The following AMZ1 variants were observed in gnomAD, a reference collection of about 807,000 sequenced individuals.
AMZ1 encodes the protein archaemetzincin-1.
Under a neutral mutation model 29.9 loss-of-function variants are expected in AMZ1, and 39 were observed. That is an observed-to-expected ratio of 1.30 (90% CI 1.01 to 1.70). AMZ1 has a LOEUF of 1.70. Ranked by LOEUF, AMZ1 falls within the 40% of genes most tolerant of loss-of-function variation. The probability of loss-of-function intolerance (pLI) is 0.00; values close to 1 mark genes in which losing one functional copy is unlikely to be tolerated. For synonymous variants in AMZ1, 458 were observed against 304.0 expected (o/e 1.51, Z -5.27); for missense variants, 1,041 against 680.6 (o/e 1.53, Z -5.89).
chr7:2,688,584 C>T (rs1016936212), intron 1 of AMZ1, among the ~76,000 whole-genome samples: 1 of 152,226 alleles, frequency 6.6e-6, no homozygotes, highest in Non-Finnish European at 1.5e-5. Context: ...CCATCCTCTC[C>T]CAGGCCAGGG....
chr7:2,707,289 C>A (rs367856791), intron 3 of AMZ1, among the ~76,000 whole-genome samples: 2 of 145,948 alleles, frequency 1.4e-5, no homozygotes, highest in South Asian at 2.2e-4. Flanking sequence ...AAAAAAAAAA[C>A]AAAAAAACAC....
chr7:2,712,310 C>T lies in AMZ1; in HGVS notation c.949-20C>T. ...AAGGGCTGGCACGGAGCAAACTCAG[C>T]CTGTGTTTCTCCCTCTTAGAGACTC... is the stretch of plus-strand genomic sequence containing the variant. On this transcript the variant is annotated intron_variant, in intron 6 of 6. Transcript: ENST00000683327. The T allele has an allele frequency of 1.3e-6, 2 of 1,536,688 alleles. No individual in the cohort carries two copies. Among genetic ancestry groups the T allele is most frequent in the Non-Finnish European group, 1.8e-6 (2 of 1,139,952 alleles).
chr7:2,719,150 C>T lies in AMZ1; in HGVS notation c.*6272C>T, dbSNP rs1008042847. On this transcript the variant is annotated 3_prime_UTR_variant, in exon 7 of 7. Coordinates refer to ENST00000683327, the MANE Select transcript of AMZ1 (RefSeq NM_001384743.1). ...AGGCCTTTACTGGATGGGCAGGATGCGGGCAGCAGCTTTGTCGGCTGCCAA... is the reference window on the plus strand; with the variant it reads ...AGGCCTTTACTGGATGGGCAGGATGTGGGCAGCAGCTTTGTCGGCTGCCAA... Among the ~76,000 whole-genome samples the T allele has an allele frequency of 1.3e-5, 2 of 152,224 alleles. No homozygotes were observed. Among genetic ancestry groups the T allele is most frequent in the East Asian group, 1.9e-4 (1 of 5,182 alleles).
At chr7:2,726,889 G>A (rs771485060) in intron 4 of AMZ1, among the ~76,000 whole-genome samples, 1 of 152,194 alleles carries the variant, frequency 6.6e-6, no homozygotes, top group Non-Finnish European at 1.5e-5. Flanking sequence ...GGGGTTGTGA[G>A]GACAGAACCT....
At chr7:2,722,639 T>C (rs1286097896), downstream of AMZ1, among the ~76,000 whole-genome samples, 1 of 152,224 alleles carries the variant, frequency 6.6e-6, no homozygotes, top group Admixed American at 6.5e-5. Context: ...GATTCGAGAC[T>C]GACAGATGCA....
Position 2,712,406 on chromosome 7 carries a change from A to G in AMZ1, c.1025A>G (p.Asp342Gly), listed in dbSNP as rs777344107. 1 of 1,611,188 alleles carries G rather than the reference A, an allele frequency of 6.2e-7. No homozygotes were observed. The highest frequency in any genetic ancestry group is 1.7e-5 in the Admixed American group (1 of 59,880). Residue 342 changes from aspartate to glycine, a missense_variant, in exon 7 of 7, where the codon GAC becomes GGC. By Grantham distance (94) the Asp-to-Gly change is moderately conservative. Transcript: ENST00000683327. ...QEAGEPSVWE[D>G]TPPASADSGM... ...GCGGGGGAGCCGTCAGTGTGGGAGGACACCCCGCCTGCCAGCGCCGACTCG... is the reference window on the plus strand; with the variant it reads ...GCGGGGGAGCCGTCAGTGTGGGAGGGCACCCCGCCTGCCAGCGCCGACTCG...
At position 2,718,535 on chromosome 7, in the gene AMZ1, C is replaced by T. The variant is rs1482410064; in HGVS notation, c.*5657C>T. On this transcript the variant is annotated 3_prime_UTR_variant, in exon 7 of 7. Coordinates refer to ENST00000683327, the MANE Select transcript of AMZ1 (RefSeq NM_001384743.1). ...CGCTGGTGGCAGCCGCGGGCGCCCACTCACCTGGCACGTGGACGAAGGTGA... is the reference window on the plus strand; with the variant it reads ...CGCTGGTGGCAGCCGCGGGCGCCCATTCACCTGGCACGTGGACGAAGGTGA... Among the ~76,000 whole-genome samples the T allele has an allele frequency of 2.6e-5, 4 of 152,230 alleles. No homozygotes were observed. Among genetic ancestry groups the T allele is most frequent in the African/African-American group, 9.6e-5 (4 of 41,464 alleles).
intron 6 of AMZ1, among the ~76,000 whole-genome samples, chr7:2,712,056 G>A (rs80311756): frequency 2.9e-5 from 3 of 102,394 alleles, no homozygotes; most frequent in African/African-American, 1.4e-4. Context: ...TAAAAAAATC[G>A]AAAAATGTTA....
intron 4 of AMZ1, among the ~76,000 whole-genome samples, chr7:2,725,378 G>A (rs957884814): frequency 6.6e-6 from 1 of 152,238 alleles, no homozygotes; most frequent in Non-Finnish European, 1.5e-5. Context: ...ATGCTTCCAG[G>A]GAGCAGTGAC....
chr7:2,736,058 C>G (rs74452570), intron 4 of AMZ1, among the ~76,000 whole-genome samples: 1 of 152,188 alleles, frequency 6.6e-6, no homozygotes, highest in Non-Finnish European at 1.5e-5. Flanking sequence ...TCGTTTGCGA[C>G]GGACTCCTCA....
chr7:2,736,134 G>A (rs540316249), intron 4 of AMZ1, among the ~76,000 whole-genome samples: 16 of 152,308 alleles, frequency 1.1e-4, no homozygotes, highest in Non-Finnish European at 1.8e-4. Context: ...AACACTAAGA[G>A]AATTCAGTCA....
At chr7:2,746,846 A>G (rs1488126991) in intron 4 of AMZ1, among the ~76,000 whole-genome samples, 5 of 152,168 alleles carry the variant, frequency 3.3e-5, no homozygotes, top group Admixed American at 2.6e-4. Context: ...TATCATCACC[A>G]ATCCCACAGA....
At chr7:2,711,899 G>A (rs996236728) in intron 6 of AMZ1, among the ~76,000 whole-genome samples, 3 of 152,074 alleles carry the variant, frequency 2.0e-5, no homozygotes, top group African/African-American at 7.2e-5. Context: ...GTAAAAATTA[G>A]CCAGGCATGC....
chr7:2,742,120 C>T (rs1353350208), intron 4 of AMZ1, among the ~76,000 whole-genome samples: 1 of 152,010 alleles, frequency 6.6e-6, no homozygotes, highest in Non-Finnish European at 1.5e-5. Context: ...CTCCCAGGTT[C>T]AAGAGATTCT....
upstream of AMZ1, among the ~76,000 whole-genome samples, chr7:2,687,712 C>CT (rs1787137333): frequency 3.4e-4 from 1 of 2,926 alleles, no homozygotes; most frequent in Admixed American, 4.3e-3. Context: ...CCTGGGGCTT[C>CT]GCTGATAAGC....
Position 2,716,351 on chromosome 7 carries a change from C to G in AMZ1, c.*3473C>G, listed in dbSNP as rs749986630. ...AGTGGGGAGAGGGGAGAAGCAGCAT[C>G]CTGACTCCTGTCCATGGTGTGAACC... On this transcript the variant is annotated 3_prime_UTR_variant, in exon 7 of 7. Transcript: ENST00000683327. 6.6e-6 allele frequency: 1 copy of G among 152,210 alleles called. No individual in the cohort carries two copies. The highest frequency in any genetic ancestry group is 1.5e-5 in the Non-Finnish European group (1 of 68,062). The allele number at this position is 152,210 out of a possible 1,614,324, so 9.4% of individuals were successfully genotyped here. A position where few individuals can be genotyped will look rare whatever the true frequency, so the allele number is the denominator to read the frequency against.
chr7:2,749,892 G>A (rs1056084087), intron 4 of AMZ1, among the ~76,000 whole-genome samples: 1 of 152,152 alleles, frequency 6.6e-6, no homozygotes, highest in Non-Finnish European at 1.5e-5. Flanking sequence ...TAAAGAATGA[G>A]GTGCAGGCAT....
exon 1 of AMZ1, chr7:2,764,819 G>A (rs931112494): frequency 5.9e-5 from 9 of 152,244 alleles, no homozygotes; most frequent in African/African-American, 2.2e-4. Context: ...AGGGAACACT[G>A]AGACTGACCA....
At chr7:2,696,012 GGAA>G (rs376401666) in intron 1 of AMZ1, among the ~76,000 whole-genome samples, 33,642 of 139,884 alleles carry the variant, frequency 0.24, 4,688 homozygotes, top group Middle Eastern at 0.39. Flanking sequence ...GTCTTGGGGG[GGAA>G]AAAAAAAAAA....
Sources: gnomAD v4.1 joint callset for allele counts (sites outside exome capture counted in the v4.1 genomes callset) on GRCh38, gnomAD v4.1.1 for gene constraint, MANE v1.5 for transcripts, NCBI Gene and HGNC (gene_info 2026-07-23, HGNC 2026-07-21) for gene names.